SPECC1L: variants seen among roughly 807,000 people sequenced by gnomAD.
The protein encoded by SPECC1L is cytospin-A.
SPECC1L carries 40 observed loss-of-function variants against 116.8 expected under a neutral mutation model. That is an observed-to-expected ratio of 0.34 (90% CI 0.27 to 0.45). The LOEUF (loss-of-function observed/expected upper bound fraction) is 0.45. SPECC1L is among the 20% of genes least tolerant of loss of function. The pLI, the probability that SPECC1L is intolerant of heterozygous loss-of-function variation, is 1.00. For synonymous variants in SPECC1L, 504 were observed against 500.6 expected, an observed-to-expected ratio of 1.01 and a Z score of -0.09; for missense variants, 1,110 against 1,373.6, an observed-to-expected ratio of 0.81 and a Z score of 3.03.
At chr22:24,408,656 A>C (rs919676376) in intron 14 of SPECC1L, among the ~76,000 whole-genome samples, 3 of 152,258 alleles carry the variant, frequency 2.0e-5, no homozygotes, top group Non-Finnish European at 2.9e-5. Flanking sequence ...ACAGCAGTTT[A>C]TAACAATATC....
At chr22:24,405,236 G>A (rs2042562089) in intron 14 of SPECC1L, among the ~76,000 whole-genome samples, 1 of 152,166 alleles carries the variant, frequency 6.6e-6, no homozygotes, top group Non-Finnish European at 1.5e-5. Context: ...TTTGTTATCT[G>A]AGTTCCTCAT....
chr22:24,412,602 C>G (rs777087912), intron 15 of SPECC1L, 46 bp from the exon 16 acceptor site: 1 of 1,602,204 alleles, frequency 6.2e-7, no homozygotes, highest in South Asian at 1.1e-5. Flanking sequence ...ACGTGACTTT[C>G]TCTGTGCCTT....
intron 6 of SPECC1L, among the ~76,000 whole-genome samples, chr22:24,325,933 G>A (rs1363978332): frequency 6.6e-6 from 1 of 151,960 alleles, no homozygotes; most frequent in Non-Finnish European, 1.5e-5. Flanking sequence ...AACATTTTTT[G>A]TTTGCTTGCC....
rs140046342 is a variant in SPECC1L at position 24,408,001 on chromosome 22, G to C, written c.3088-3587G>C. Among the ~76,000 whole-genome samples the C allele has an allele frequency of 5.6e-4, 86 of 152,328 alleles. 3 individuals are homozygous for C. In the South Asian group the frequency reaches 0.012, roughly 21 times the overall value. ...CTTTGAATGATCCCAGAGACCAGCT[G>C]TGTGGCCTGGGTGAGTGTCTTGGCC... is the stretch of plus-strand genomic sequence containing the variant. On this transcript the variant is annotated intron_variant, in intron 14 of 16. Coordinates refer to ENST00000314328, the MANE Select transcript of SPECC1L (RefSeq NM_015330.6).
intron 2 of SPECC1L, among the ~76,000 whole-genome samples, chr22:24,286,211 C>T (rs1281473614): frequency 2.6e-5 from 4 of 152,198 alleles, no homozygotes; most frequent in East Asian, 3.8e-4. Context: ...GTAGTCTATT[C>T]TTGACACTTG....
intron 15 of SPECC1L, chr22:24,412,301 G>A (rs1601374222): frequency 2.6e-6 from 1 of 384,860 alleles, no homozygotes; most frequent in South Asian, 2.2e-5. Flanking sequence ...GACAACCCTC[G>A]AAGATCCCTG....
intron 2 of SPECC1L, among the ~76,000 whole-genome samples, chr22:24,300,172 C>A (rs2049348751): frequency 6.6e-6 from 1 of 152,152 alleles, no homozygotes; most frequent in Non-Finnish European, 1.5e-5. Flanking sequence ...GTGTGTTGTT[C>A]CCTTCTCTGT....
chr22:24,318,347 C>T (rs1390832934), intron 4 of SPECC1L, among the ~76,000 whole-genome samples: 7 of 152,160 alleles, frequency 4.6e-5, no homozygotes, highest in Admixed American at 6.5e-5. Flanking sequence ...AGCGAAACCC[C>T]GTCTCCACCC....
At chr22:24,278,392 T>G (rs1435742773) in intron 2 of SPECC1L, among the ~76,000 whole-genome samples, 1 of 152,148 alleles carries the variant, frequency 6.6e-6, no homozygotes, top group Non-Finnish European at 1.5e-5. Context: ...GATGATATTT[T>G]TGACACTTTT....
chr22:24,334,347 A>AG (rs1242539048), intron 8 of SPECC1L, 63 bp from the exon 9 acceptor site: 1 of 1,559,320 alleles, frequency 6.4e-7, no homozygotes, highest in African/African-American at 1.4e-5. Context: ...TTCAGCTGGG[A>AG]GGGGAAAATG....
chr22:24,271,972 G>A (rs943190833), intron 1 of SPECC1L, among the ~76,000 whole-genome samples: 2 of 152,214 alleles, frequency 1.3e-5, no homozygotes, highest in Non-Finnish European at 2.9e-5. Flanking sequence ...TGAAATCAGA[G>A]CTGTAGGCTT....
At chr22:24,379,360 A>G (rs2042021780) in intron 14 of SPECC1L, among the ~76,000 whole-genome samples, 1 of 151,908 alleles carries the variant, frequency 6.6e-6, no homozygotes, top group Non-Finnish European at 1.5e-5. Context: ...TGCCTGGACA[A>G]CAGAGCAAGA....
Position 24,415,409 on chromosome 22 carries a change from A to AAAC in SPECC1L, c.*786_*787insAAC, listed in dbSNP as rs1490500770. The AAAC allele has an allele frequency of 2.0e-5, 3 of 152,636 alleles. No homozygotes were observed. The highest frequency in any genetic ancestry group is 2.9e-5 in the Non-Finnish European group (2 of 68,122). 9.5% of individuals were successfully genotyped at this position (152,636 alleles called of 1,614,324 possible). On this transcript the variant is annotated 3_prime_UTR_variant, in exon 17 of 17. Coordinates refer to ENST00000314328, the MANE Select transcript of SPECC1L (RefSeq NM_015330.6). ...GGCTTTAGATTTCTTCATCATAAGG[A>AAAC]GTTTTTCTAGTTAACATTTTTGTTT...
chr22:24,317,141 C>T (rs1484843416), intron 4 of SPECC1L, among the ~76,000 whole-genome samples: 2 of 106,998 alleles, frequency 1.9e-5, no homozygotes, highest in African/African-American at 3.5e-5. Flanking sequence ...GGGGCTGACC[C>T]CCCTACCTCC....
At position 24,300,044 on chromosome 22, in the gene SPECC1L, T is replaced by C. The variant is rs563478929; in HGVS notation, c.-37-2151T>C. Among the ~76,000 whole-genome samples the C allele has an allele frequency of 5.9e-5, 9 of 152,338 alleles. No homozygotes were observed. In the East Asian group the frequency reaches 1.5e-3, roughly 26 times the overall value. Reference sequence around the variant, plus strand: ...TATTTAAAAAAGAAAACAAGATACATGTGCAGAACATGCAGGTTTGTTACA... The same window carrying C: ...TATTTAAAAAAGAAAACAAGATACACGTGCAGAACATGCAGGTTTGTTACA... On this transcript the variant is annotated intron_variant, in intron 2 of 16. Coordinates refer to ENST00000314328, the MANE Select transcript of SPECC1L (RefSeq NM_015330.6).
chr22:24,409,660 G>A (rs1291480792), intron 14 of SPECC1L, among the ~76,000 whole-genome samples: 2 of 152,046 alleles, frequency 1.3e-5, no homozygotes, highest in South Asian at 2.1e-4. Context: ...TCTTTAAAAA[G>A]TAATAATAAA....
intron 2 of SPECC1L, among the ~76,000 whole-genome samples, chr22:24,292,713 T>C (rs1374684132): frequency 2.0e-5 from 3 of 152,126 alleles, no homozygotes; most frequent in African/African-American, 7.2e-5. Context: ...TCATCAATTA[T>C]GTGAATTATC....
chr22:24,340,546 T>A (rs189460849), intron 10 of SPECC1L, among the ~76,000 whole-genome samples: 1 of 152,346 alleles, frequency 6.6e-6, no homozygotes, highest in Admixed American at 6.5e-5. Context: ...TGTAATAAAC[T>A]TCAAATAAGA....
intron 9 of SPECC1L, among the ~76,000 whole-genome samples, chr22:24,335,769 T>C (rs2041041142): frequency 6.6e-6 from 1 of 152,178 alleles, no homozygotes; most frequent in African/African-American, 2.4e-5. Context: ...TAAAATGCCG[T>C]ATTCATAGAC....
Sources: gnomAD v4.1 joint callset for allele counts (sites outside exome capture counted in the v4.1 genomes callset) on GRCh38, gnomAD v4.1.1 for gene constraint, MANE v1.5 for transcripts, NCBI Gene and HGNC (gene_info 2026-07-23, HGNC 2026-07-21) for gene names.